Variants in P2RX7 observed in about 807,000 individuals in gnomAD.
P2RX7 encodes the protein P2X purinoceptor 7.
P2RX7 carries 62 observed loss-of-function variants against 71.6 expected under a neutral mutation model. That is an observed-to-expected ratio of 0.87 (90% CI 0.71 to 1.07). The LOEUF (loss-of-function observed/expected upper bound fraction) is 1.07, where lower values mean the gene tolerates loss of function less well. Among genes scored for constraint, P2RX7 ranks in the 50% least tolerant of loss-of-function variants. The pLI is 0.00. For synonymous variants in P2RX7, 299 were observed against 283.3 expected (o/e 1.06, Z -0.56); for missense variants, 686 against 748.5 (o/e 0.92, Z 0.97).
chr12:121,168,121 CAT>C (rs138650166), intron 8 of P2RX7, among the ~76,000 whole-genome samples: 6 of 150,846 alleles, frequency 4.0e-5, no homozygotes, highest in Non-Finnish European at 1.5e-5. Context: ...GAGATAATAG[CAT>C]ATATATATAT....
At chr12:121,168,260 G>GTTTTCCTTTC (rs1881515155) in intron 8 of P2RX7, among the ~76,000 whole-genome samples, 1 of 147,378 alleles carries the variant, frequency 6.8e-6, no homozygotes, top group Non-Finnish European at 1.5e-5. Flanking sequence ...TTCAGGCAGT[G>GTTTTCCTTTC]TTTTCTTTTC....
intron 5 of P2RX7, among the ~76,000 whole-genome samples, chr12:121,163,932 G>A (rs966862271): frequency 3.9e-5 from 6 of 152,084 alleles, no homozygotes; most frequent in African/African-American, 1.4e-4. Flanking sequence ...TCCCAATGCC[G>A]GGATGGGGGG....
rs1593170780 is a variant in P2RX7, at chr12:121,184,959, C to T, written c.*157C>T. 1.7e-6 allele frequency: 1 copy of T among 605,686 alleles called. No individual in the cohort carries two copies. The highest frequency in any genetic ancestry group is 2.9e-6 in the Non-Finnish European group (1 of 348,262). The allele number at this position is 605,686 out of a possible 1,614,324, so 37.5% of individuals were successfully genotyped here. A position where few individuals can be genotyped will look rare whatever the true frequency, so the allele number is the denominator to read the frequency against. On this transcript the variant is annotated 3_prime_UTR_variant, in exon 13 of 13. Coordinates refer to ENST00000328963, the MANE Select transcript of P2RX7 (RefSeq NM_002562.6). Reference sequence around the variant, plus strand: ...AATCAGCCAGACATGGTGGCATGCACCTGCAATCCCAGCTACTCGGGAGGC... The same window carrying T: ...AATCAGCCAGACATGGTGGCATGCATCTGCAATCCCAGCTACTCGGGAGGC...
At chr12:121,147,670 G>A (rs543252024) in intron 1 of P2RX7, among the ~76,000 whole-genome samples, 13 of 152,194 alleles carry the variant, frequency 8.5e-5, no homozygotes, top group Admixed American at 3.3e-4. Flanking sequence ...GAAGTGCAGT[G>A]GCACGATCTT....
chr12:121,136,643 CTTTCTTTTTTTT>C, intron 1 of P2RX7, among the ~76,000 whole-genome samples: 1 of 137,286 alleles, frequency 7.3e-6, no homozygotes, highest in African/African-American at 2.9e-5. Flanking sequence ...TTCTTTCTTT[CTTTCTTTTTTTT>C]TTTTTTTTTT....
Position 121,132,943 on chromosome 12 carries a change from G to T in P2RX7, c.-28G>T. 3 of 1,612,732 alleles carry T rather than the reference G, an allele frequency of 1.9e-6. No homozygotes were observed. The highest frequency in any genetic ancestry group is 2.5e-6 in the Non-Finnish European group (3 of 1,179,962). ...TCAGGAAGAGTAGAGCTCTGGTCCA[G>T]CTCCGCGCAGGGAGGGAGGCTGTCA... On this transcript the variant is annotated 5_prime_UTR_variant, in exon 1 of 13. Coordinates refer to ENST00000328963, the MANE Select transcript of P2RX7 (RefSeq NM_002562.6).
chr12:121,144,815 C>T (rs983910589), intron 1 of P2RX7, among the ~76,000 whole-genome samples: 4 of 152,002 alleles, frequency 2.6e-5, no homozygotes, highest in South Asian at 2.1e-4. Context: ...GGCAACTGAA[C>T]GGGTGAGTGG....
chr12:121,176,141 G>A (rs1311953276), intron 9 of P2RX7, among the ~76,000 whole-genome samples: 2 of 151,744 alleles, frequency 1.3e-5, no homozygotes, highest in Admixed American at 1.3e-4. Flanking sequence ...CTGTGACCAG[G>A]GTCATGCCAT....
chr12:121,168,243 G>T (rs541239527), intron 8 of P2RX7, among the ~76,000 whole-genome samples: 51 of 146,856 alleles, frequency 3.5e-4, no homozygotes, highest in African/African-American at 1.3e-3. Context: ...AATAACAACT[G>T]CTACAATTCA....
chr12:121,154,958 G>A lies in P2RX7; in HGVS notation c.294+5G>A. 6.2e-7 allele frequency: 1 copy of A among 1,613,932 alleles called. No homozygotes were observed. Among genetic ancestry groups the A allele is most frequent in the Non-Finnish European group, 8.5e-7 (1 of 1,179,850 alleles). On this transcript the variant is annotated splice_donor_5th_base_variant and intron_variant, in intron 2 of 12. Coordinates refer to ENST00000328963, the MANE Select transcript of P2RX7 (RefSeq NM_002562.6). The surrounding 1 kb of genome is among the most constrained non-coding windows in gnomAD (Gnocchi z 4.2). ...GACTACACCTTCCCTTTGCAGGTGA[G>A]CACCTCGTAGCATTCTCCCAGGCTC...
At chr12:121,152,771 G>A (rs1441113725) in intron 1 of P2RX7, among the ~76,000 whole-genome samples, 1 of 152,220 alleles carries the variant, frequency 6.6e-6, no homozygotes, top group African/African-American at 2.4e-5. Flanking sequence ...ATCCGCCTTG[G>A]CATCCCAAAG....
At chr12:121,153,549 G>A (rs1422222376) in intron 1 of P2RX7, among the ~76,000 whole-genome samples, 4 of 152,024 alleles carry the variant, frequency 2.6e-5, no homozygotes, top group Admixed American at 6.5e-5. Flanking sequence ...GTGGTGGTAC[G>A]CGCCTGTAAT....
chr12:121,135,965 C>G (rs1242627374), intron 1 of P2RX7, among the ~76,000 whole-genome samples: 48 of 128,604 alleles, frequency 3.7e-4, no homozygotes, highest in African/African-American at 1.4e-3. Context: ...GATTGCACCA[C>G]TGCACTCCAG....
intron 3 of P2RX7, among the ~76,000 whole-genome samples, chr12:121,157,309 G>A (rs1226501582): frequency 6.6e-6 from 1 of 152,188 alleles, no homozygotes; most frequent in Non-Finnish European, 1.5e-5. Context: ...TGAGTGTCCA[G>A]GACCTCTGGG....
chr12:121,146,621 C>A (rs372287445), intron 1 of P2RX7, among the ~76,000 whole-genome samples: 1 of 152,130 alleles, frequency 6.6e-6, no homozygotes, highest in Admixed American at 6.6e-5. Flanking sequence ...TGTGCACACT[C>A]TTGCTTTGCT....
intron 8 of P2RX7, among the ~76,000 whole-genome samples, chr12:121,174,817 A>G (rs1237698952): frequency 6.6e-6 from 1 of 151,948 alleles, no homozygotes; most frequent in East Asian, 1.9e-4. Context: ...CTTAAGCGAC[A>G]AGCTGATTTT....
intron 8 of P2RX7, among the ~76,000 whole-genome samples, chr12:121,172,884 G>C (rs56067598): frequency 0.068 from 10,306 of 152,208 alleles, 539 homozygotes; most frequent in Non-Finnish European, 0.097. Flanking sequence ...CCTACATCTT[G>C]TAACTAGACG....
chr12:121,181,116 T>C (rs146625992), intron 12 of P2RX7, among the ~76,000 whole-genome samples: 1 of 152,324 alleles, frequency 6.6e-6, no homozygotes, highest in African/African-American at 2.4e-5. Flanking sequence ...TTTCCAAAGA[T>C]TAATTTTACT....
intron 12 of P2RX7, among the ~76,000 whole-genome samples, chr12:121,181,800 T>C (rs750576173): frequency 2.0e-5 from 3 of 151,968 alleles, no homozygotes; most frequent in Non-Finnish European, 4.4e-5. Flanking sequence ...GAGCTTGCAG[T>C]GAGCCAAGAT....
Sources: allele counts gnomAD v4.1 joint callset (sites outside exome capture counted in the v4.1 genomes callset), GRCh38; gene constraint gnomAD v4.1.1; non-coding constraint Gnocchi (gnomAD v3.1); transcripts MANE v1.5; gene names NCBI Gene and HGNC (gene_info 2026-07-23, HGNC 2026-07-21).